The following FREM3 variants were observed in gnomAD, a reference collection of about 807,000 sequenced individuals.
FREM3 encodes FRAS1-related extracellular matrix protein 3.
FREM3 carries 105 observed loss-of-function variants against 129.1 expected under a neutral mutation model. The observed-to-expected ratio is 0.81, with a 90% CI of 0.69 to 0.96. The LOEUF is 0.96. Ranked by LOEUF, FREM3 falls within the 40% of genes least tolerant of loss-of-function variation. FREM3 has a pLI of 0.00. For synonymous variants in FREM3, 1,014 were observed against 1,044.9 expected (o/e 0.97, Z 0.57); for missense variants, 2,593 against 2,666.3 (o/e 0.97, Z 0.61).
chr4:143,661,971 C>T (rs1310266876), intron 2 of FREM3, among the ~76,000 whole-genome samples: 3 of 151,678 alleles, frequency 2.0e-5, no homozygotes, highest in Admixed American at 6.6e-5. Context: ...CTATTTGATT[C>T]TTCTCTCTTT....
chr4:143,588,021 G>T (rs184927895), intron 6 of FREM3, among the ~76,000 whole-genome samples: 25 of 152,184 alleles, frequency 1.6e-4, no homozygotes, highest in Admixed American at 1.6e-3. Context: ...TAACCCCAAT[G>T]CAGTCCCTCT....
chr4:143,697,749 C>A lies in FREM3; in HGVS notation c.2927G>T (p.Arg976Met). ...CAGCATCAAGTCACCTACATCCTTC[C>A]TTTTGCCATGGATGACACCCATGGT... ...EITMGVIHGK[R>M]KDVGDLMLSF... is the part of the protein sequence containing the mutation. Residue 976 changes from arginine to methionine, a missense_variant, in exon 1 of 8, where the codon AGG (arginine) becomes ATG (methionine). By Grantham distance (91) the Arg-to-Met change is moderately conservative (BLOSUM62 -1). Coordinates refer to ENST00000329798, the MANE Select transcript of FREM3 (RefSeq NM_001168235.2). 1 of 1,537,616 alleles carries A rather than the reference C, an allele frequency of 6.5e-7. No individual in the cohort carries two copies. The highest frequency in any genetic ancestry group is 8.7e-7 in the Non-Finnish European group (1 of 1,146,974).
rs1355735931 is a variant in FREM3 at position 143,699,589 on chromosome 4, C to T, written c.1087G>A (p.Val363Met). Residue 363 changes from valine (V) to methionine (M), a missense_variant, in exon 1 of 8, where the codon GTG (valine) becomes ATG (methionine). Val to Met is a conservative substitution (Grantham distance 21). This residue lies in a region of FREM3 where 2,276 missense variants were observed against 2,267.2 expected (regional missense o/e 1.00). Transcript: ENST00000329798. This position sits in a 1 kb window ranked among gnomAD's most constrained non-coding sequence, Gnocchi z 4.2. ...PPGHPGQQGY[V>M]VSTDDPLGLP... Reference sequence around the variant, plus strand: ...CCTAGAGGGTCGTCGGTGCTGACCACGTAGCCCTGTTGCCCCGGGTGCCCT... The same window carrying T: ...CCTAGAGGGTCGTCGGTGCTGACCATGTAGCCCTGTTGCCCCGGGTGCCCT... 4 of 1,532,568 alleles carry T rather than the reference C, an allele frequency of 2.6e-6. No homozygotes were observed. Among genetic ancestry groups the T allele is most frequent in the Non-Finnish European group, 3.5e-6 (4 of 1,143,976 alleles). The allele number at this position is 1,532,568 out of a possible 1,614,324, so 94.9% of individuals were successfully genotyped here.
chr4:143,610,995 C>T (rs562938301), intron 6 of FREM3, among the ~76,000 whole-genome samples: 2 of 152,174 alleles, frequency 1.3e-5, no homozygotes, highest in East Asian at 3.9e-4. Flanking sequence ...TGACTTAGGT[C>T]CTCTCCCTGG....
chr4:143,697,929 T>C lies in FREM3; in HGVS notation c.2747A>G (p.His916Arg). Residue 916 changes from histidine to arginine, a missense_variant, in exon 1 of 8, where the codon CAT (histidine) becomes CGT (arginine). This residue lies in a region of FREM3 where 2,276 missense variants were observed against 2,267.2 expected (regional missense o/e 1.00). Transcript: ENST00000329798. Reference sequence around the variant, plus strand: ...GTGCACCCCATCACTTACTTCCAGATGGAAAGTGTCACTGGTAGTCGTCTG... The same window carrying C: ...GTGCACCCCATCACTTACTTCCAGACGGAAAGTGTCACTGGTAGTCGTCTG... ...RDQTTTSDTF[H>R]LEVSDGVHHI... The C allele has an allele frequency of 6.5e-7, 1 of 1,537,864 alleles. No individual in the cohort carries two copies. Among genetic ancestry groups the C allele is most frequent in the South Asian group, 1.2e-5 (1 of 84,062 alleles).
intron 2 of FREM3, among the ~76,000 whole-genome samples, chr4:143,673,670 G>C (rs1241101709): frequency 6.6e-6 from 1 of 152,232 alleles, no homozygotes; most frequent in African/African-American, 2.4e-5. Flanking sequence ...CTTTCGTTCA[G>C]CTATGCCCTG....
chr4:143,624,317 G>A lies in FREM3; in HGVS notation c.5444C>T (p.Thr1815Ile), dbSNP rs1320378857. 6.5e-7 allele frequency: 1 copy of A among 1,536,258 alleles called. No homozygotes were observed. The highest frequency in any genetic ancestry group is 1.2e-5 in the South Asian group (1 of 84,012). Residue 1815 changes from threonine (T) to isoleucine (I), a missense_variant, in exon 4 of 8, where the codon ACT becomes ATT. This residue lies in a region of FREM3 where 2,276 missense variants were observed against 2,267.2 expected (regional missense o/e 1.00). Coordinates refer to ENST00000329798, the MANE Select transcript of FREM3 (RefSeq NM_001168235.2). ...TTTGAAATCTTTGTCTTTTTTTGCA[G>A]TTTCATCTTTGGTACCAATGCCTGA... ...SFISIGTKDE[T>I]AKKDKDFKWK...
intron 6 of FREM3, among the ~76,000 whole-genome samples, chr4:143,607,615 G>C (rs866106699): frequency 6.6e-6 from 1 of 152,130 alleles, no homozygotes; most frequent in Non-Finnish European, 1.5e-5. Context: ...ACTCTTGTAG[G>C]ATTATGAGTG....
At chr4:143,610,955 G>C (rs1241240353) in intron 6 of FREM3, among the ~76,000 whole-genome samples, 2 of 152,218 alleles carry the variant, frequency 1.3e-5, no homozygotes, top group Non-Finnish European at 2.9e-5. Context: ...GGTCCTCTTG[G>C]GGGTAGTCCT....
intron 6 of FREM3, among the ~76,000 whole-genome samples, chr4:143,607,288 C>G (rs1738683954): frequency 6.6e-6 from 1 of 152,122 alleles, no homozygotes; most frequent in Non-Finnish European, 1.5e-5. Context: ...TTTCCTCCAG[C>G]TGAAATGCTA....
intron 2 of FREM3, 119 bp downstream of exon 2, chr4:143,692,994 A>G (rs749420108): frequency 4.4e-6 from 2 of 455,126 alleles, no homozygotes; most frequent in Non-Finnish European, 7.7e-6. Flanking sequence ...GACATTATTT[A>G]TTGTGATTAC....
intron 5 of FREM3, among the ~76,000 whole-genome samples, chr4:143,616,623 A>G (rs748335546): frequency 2.3e-4 from 35 of 151,724 alleles, no homozygotes; most frequent in Non-Finnish European, 5.0e-4. Flanking sequence ...CGTCTCTACT[A>G]AAAAAATACA....
rs571002449 is a variant in FREM3 at position 143,690,641 on chromosome 4, A to G, written c.5275+2472T>C. Among the ~76,000 whole-genome samples, 163 of 152,342 alleles carry G rather than the reference A, an allele frequency of 1.1e-3. 1 individual carries two copies. Among genetic ancestry groups the G allele is most frequent in the African/African-American group, 3.8e-3 (160 of 41,574 alleles). On this transcript the variant is annotated intron_variant, in intron 2 of 7. Transcript: ENST00000329798. Reference sequence around the variant, plus strand: ...AAACAATTATTAATAGATCAAATGGAAATTTTCAACATTCCATTTGGGAAA... The same window carrying G: ...AAACAATTATTAATAGATCAAATGGGAATTTTCAACATTCCATTTGGGAAA...
rs1337126173 is a variant in FREM3, at chr4:143,699,439, C to T, written c.1237G>A (p.Gly413Ser). The change falls in exon 1 of 8, where the codon GGC (glycine) becomes AGC (serine). Residue 413 changes from glycine (G) to serine (S), a missense_variant. This residue lies in a region of FREM3 where 2,276 missense variants were observed against 2,267.2 expected (regional missense o/e 1.00). Coordinates refer to ENST00000329798, the MANE Select transcript of FREM3 (RefSeq NM_001168235.2). The surrounding 1 kb of genome is among the most constrained non-coding windows in gnomAD (Gnocchi z 4.2). ...AAGGCAAAGGGGTCTGAGGCGGCGC[C>T]GTCTCCGTCCACCACCTCCAGCTCC... ...QLELEVVDGD[G>S]AASDPFAFMV... The T allele has an allele frequency of 2.0e-6, 3 of 1,537,316 alleles. No homozygotes were observed. In the East Asian group the frequency reaches 7.3e-5, roughly 38 times the overall value.
intron 1 of FREM3, among the ~76,000 whole-genome samples, chr4:143,693,697 T>G (rs568380072): frequency 1.2e-4 from 19 of 152,312 alleles, no homozygotes; most frequent in Admixed American, 2.6e-4. Context: ...TGAATCAACC[T>G]AAATGTCCAT....
At chr4:143,693,313 TA>T (rs1022753318) in intron 1 of FREM3, 111 bp from the exon 2 acceptor site, 2 of 447,576 alleles carry the variant, frequency 4.5e-6, no homozygotes, top group African/African-American at 4.0e-5. Flanking sequence ...TAATAAATTT[TA>T]AAATAGTGAT....
chr4:143,695,523 A>G lies in FREM3; in HGVS notation c.5153T>C (p.Leu1718Pro), dbSNP rs1290026908. The G allele has an allele frequency of 8.5e-6, 13 of 1,537,476 alleles. No individual in the cohort carries two copies. In the South Asian group the frequency reaches 1.3e-4, roughly 15 times the overall value. ...PEHGFIIKTG[L>P]GNQSTRVFTQ... ...AAACACTCGAGTGCTCTGGTTTCCA[A>G]GGCCAGTTTTGATAATGAAGCCATG... Residue 1718 changes from leucine (L) to proline (P), a missense_variant, in exon 1 of 8, where the codon CTT becomes CCT. This residue lies in a region of FREM3 where 2,276 missense variants were observed against 2,267.2 expected (regional missense o/e 1.00). Coordinates refer to ENST00000329798, the MANE Select transcript of FREM3 (RefSeq NM_001168235.2).
intron 6 of FREM3, among the ~76,000 whole-genome samples, chr4:143,587,298 T>C (rs545574967): frequency 6.6e-6 from 1 of 152,234 alleles, no homozygotes; most frequent in Non-Finnish European, 1.5e-5. Context: ...ATTTCCTCAA[T>C]AAATAATCAT....
intron 2 of FREM3, among the ~76,000 whole-genome samples, chr4:143,686,212 C>T (rs1177514360): frequency 6.6e-6 from 1 of 152,082 alleles, no homozygotes; most frequent in Admixed American, 6.5e-5. Flanking sequence ...AAGCAACAGC[C>T]GTTAGAAGCG....
Sources: gnomAD v4.1 joint callset for allele counts (sites outside exome capture counted in the v4.1 genomes callset) on GRCh38, gnomAD v4.1.1 for gene constraint, gnomAD v4.1.1 regional missense constraint, Gnocchi (gnomAD v3.1) non-coding constraint, MANE v1.5 for transcripts, NCBI Gene and HGNC (gene_info 2026-07-23, HGNC 2026-07-21) for gene names.